The following CNBD1 variants were observed in gnomAD, a reference collection of about 807,000 sequenced individuals.
CNBD1 encodes cyclic nucleotide-binding domain-containing protein 1.
In CNBD1, 71 loss-of-function variants were observed where a neutral mutation model predicts 54.4. The ratio of observed to expected loss-of-function variants is 1.30; its 90% CI spans 1.08 to 1.59. The LOEUF (loss-of-function observed/expected upper bound fraction) is 1.59. CNBD1 is among the 40% of genes most tolerant of loss of function. The pLI is 0.00. For synonymous variants in CNBD1, 182 were observed against 170.7 expected (o/e 1.07, Z -0.51); for missense variants, 659 against 518.0 (o/e 1.27, Z -2.64).
chr8:87,245,102 A>C (rs1172805085), intron 6 of CNBD1, among the ~76,000 whole-genome samples: 1 of 152,094 alleles, frequency 6.6e-6, no homozygotes, highest in Admixed American at 6.6e-5. Flanking sequence ...CATTTAATAC[A>C]GATAGCTTGT....
At chr8:87,020,835 A>G (rs1011689899) in intron 4 of CNBD1, among the ~76,000 whole-genome samples, 2 of 152,194 alleles carry the variant, frequency 1.3e-5, no homozygotes, top group African/African-American at 2.4e-5. Context: ...AGAGCTAGAC[A>G]TGATTTAAGT....
chr8:87,359,082 C>G (rs936525073), intron 10 of CNBD1, among the ~76,000 whole-genome samples: 2 of 152,116 alleles, frequency 1.3e-5, no homozygotes, highest in African/African-American at 4.8e-5. Flanking sequence ...TTAGCCCAGT[C>G]AAGGTGGCAC....
intron 10 of CNBD1, among the ~76,000 whole-genome samples, chr8:87,378,786 G>A (rs967960797): frequency 9.9e-5 from 15 of 151,164 alleles, no homozygotes; most frequent in Non-Finnish European, 7.4e-5. Context: ...CTACCCATGA[G>A]CATGGAATGT....
chr8:87,229,115 T>C (rs1158240914), intron 5 of CNBD1, among the ~76,000 whole-genome samples: 2 of 152,176 alleles, frequency 1.3e-5, no homozygotes, highest in African/African-American at 2.4e-5. Flanking sequence ...GGCTCGCACA[T>C]GGTGCGCGCA....
intron 8 of CNBD1, among the ~76,000 whole-genome samples, chr8:87,349,037 A>T (rs761985461): frequency 1.3e-5 from 2 of 152,148 alleles, no homozygotes; most frequent in Non-Finnish European, 2.9e-5. Flanking sequence ...ACTTTTAACT[A>T]CAAGTTCCAC....
At chr8:87,358,227 G>A (rs1303970164) in intron 10 of CNBD1, among the ~76,000 whole-genome samples, 1 of 152,102 alleles carries the variant, frequency 6.6e-6, no homozygotes. Context: ...CTTACAGAAT[G>A]TGTTACCAAT....
intron 2 of CNBD1, among the ~76,000 whole-genome samples, chr8:86,900,370 A>AT (rs1295721308): frequency 6.6e-6 from 1 of 152,164 alleles, no homozygotes; most frequent in South Asian, 2.1e-4. Context: ...TCATAACTAG[A>AT]TTTTTTCAGT....
chr8:86,939,538 C>G (rs913941090), intron 3 of CNBD1, 58 bp from the exon 4 acceptor site: 1 of 1,221,314 alleles, frequency 8.2e-7, no homozygotes, highest in Admixed American at 2.7e-5. Context: ...GTAAAAGTCC[C>G]TGTAAATAAT....
At chr8:87,312,908 TTTGCTCCC>T (rs968106537) in intron 8 of CNBD1, among the ~76,000 whole-genome samples, 71 of 152,150 alleles carry the variant, frequency 4.7e-4, no homozygotes, top group African/African-American at 1.7e-3. Flanking sequence ...GAGATTTGTA[TTTGCTCCC>T]AGAAAAGTTG....
chr8:87,229,117 G>A (rs1814599310), intron 5 of CNBD1, among the ~76,000 whole-genome samples: 1 of 152,130 alleles, frequency 6.6e-6, no homozygotes, highest in African/African-American at 2.4e-5. Flanking sequence ...CTCGCACATG[G>A]TGCGCGCACC....
intron 4 of CNBD1, among the ~76,000 whole-genome samples, chr8:86,965,661 G>T (rs183541529): frequency 5.3e-5 from 8 of 152,130 alleles, no homozygotes; most frequent in Admixed American, 2.0e-4. Context: ...GGGATCTTTG[G>T]GGGGTGGATT....
At chr8:86,979,392 A>G (rs1024812739) in intron 4 of CNBD1, among the ~76,000 whole-genome samples, 1 of 139,478 alleles carries the variant, frequency 7.2e-6, no homozygotes, top group African/African-American at 2.7e-5. Context: ...ATGGAGAAAA[A>G]TCATCTCTAC....
chr8:87,200,937 G>A (rs748669865), intron 4 of CNBD1, among the ~76,000 whole-genome samples: 3 of 152,004 alleles, frequency 2.0e-5, no homozygotes, highest in Non-Finnish European at 4.4e-5. Flanking sequence ...CAAATAAAGG[G>A]ATCAGAAGAA....
At chr8:87,134,655 T>G (rs1476543165) in intron 4 of CNBD1, among the ~76,000 whole-genome samples, 2 of 135,498 alleles carry the variant, frequency 1.5e-5, no homozygotes, top group Admixed American at 8.7e-5. Context: ...CAGGCTGGAG[T>G]GCAGTGGCTC....
At chr8:87,341,006 T>C (rs182326293) in intron 8 of CNBD1, among the ~76,000 whole-genome samples, 120 of 152,278 alleles carry the variant, frequency 7.9e-4, no homozygotes, top group Non-Finnish European at 1.5e-3. Context: ...ACTATCTATC[T>C]CTTTAATTTT....
At chr8:86,986,908 T>C (rs1222300428) in intron 4 of CNBD1, among the ~76,000 whole-genome samples, 1 of 152,108 alleles carries the variant, frequency 6.6e-6, no homozygotes, top group Non-Finnish European at 1.5e-5. Context: ...TTTGGTTGCT[T>C]TAGCCTTATA....
chr8:87,008,159 G>GT (rs1426535236), intron 4 of CNBD1, among the ~76,000 whole-genome samples: 2 of 152,110 alleles, frequency 1.3e-5, no homozygotes, highest in South Asian at 2.1e-4. Context: ...TTAATTTATT[G>GT]TTTTTTCCAG....
At chr8:86,940,341 A>G (rs1384187901) in intron 4 of CNBD1, among the ~76,000 whole-genome samples, 1 of 151,764 alleles carries the variant, frequency 6.6e-6, no homozygotes, top group East Asian at 1.9e-4. Flanking sequence ...TAATTTTTGT[A>G]TTTTTAGTAG....
chr8:87,413,777 A>G (rs1807790251), intron 2 of CNBD1, among the ~76,000 whole-genome samples: 1 of 151,472 alleles, frequency 6.6e-6, no homozygotes, highest in African/African-American at 2.4e-5. Flanking sequence ...AAAAATGCTC[A>G]TCATCACTGG....
Sources: gnomAD v4.1 joint callset for allele counts (sites outside exome capture counted in the v4.1 genomes callset) on GRCh38, gnomAD v4.1.1 for gene constraint, MANE v1.5 for transcripts, NCBI Gene and HGNC (gene_info 2026-07-23, HGNC 2026-07-21) for gene names.